SLC4A4: variants seen among roughly 807,000 people sequenced by gnomAD.
SLC4A4 encodes solute carrier family 4 member 4.
A neutral mutation model predicts 111.5 loss-of-function variants in SLC4A4; 27 were observed. The observed-to-expected ratio is 0.24, with a 90% CI of 0.18 to 0.33. SLC4A4 has a LOEUF of 0.33. Ranked by LOEUF, SLC4A4 falls within the 10% of genes least tolerant of loss-of-function variation. SLC4A4 has a pLI of 1.00. For missense variants in SLC4A4, 909 were observed against 1,315.5 expected (o/e 0.69, Z 4.78); for synonymous variants, 443 against 463.4 (o/e 0.96, Z 0.57).
intron 8 of SLC4A4, among the ~76,000 whole-genome samples, chr4:71,444,934 T>C (rs1417476402): frequency 6.6e-6 from 1 of 152,208 alleles, no homozygotes; most frequent in Non-Finnish European, 1.5e-5. Flanking sequence ...TTATTCCTGA[T>C]TGGAGTAATG....
intron 3 of SLC4A4, among the ~76,000 whole-genome samples, chr4:71,270,161 C>A (rs1722599960): frequency 6.6e-6 from 1 of 152,220 alleles, no homozygotes; most frequent in African/African-American, 2.4e-5. Context: ...AATCTCGGCT[C>A]ACTGCAACCT....
intron 1 of SLC4A4, among the ~76,000 whole-genome samples, chr4:71,189,838 G>C (rs965612223): frequency 6.6e-6 from 1 of 152,156 alleles, no homozygotes; most frequent in African/African-American, 2.4e-5. Flanking sequence ...TGAAATCTAA[G>C]ACCAGAGTTG....
chr4:71,527,667 C>T (rs2149203310), intron 16 of SLC4A4, among the ~76,000 whole-genome samples: 1 of 151,222 alleles, frequency 6.6e-6, no homozygotes, highest in Non-Finnish European at 1.5e-5. Context: ...AATTTACTTG[C>T]CACCGTGTAT....
chr4:71,190,423 CACACACAG>C lies in SLC4A4; in HGVS notation c.-2+3028_-2+3035del, dbSNP rs1398571800. 9.6e-4 allele frequency among the ~76,000 whole-genome samples: 143 copies of C among 148,438 alleles called. 1 individual carries two copies. The highest frequency in any genetic ancestry group is 8.0e-3 in the East Asian group (41 of 5,098). On this transcript the variant is annotated intron_variant, in intron 1 of 25. Transcript: ENST00000264485. ...ACACACACACACACACACACACACACACACACAGACACAACTCATTTGTAGAGGTGGCT... is the reference window on the plus strand; with the variant it reads ...ACACACACACACACACACACACACACACACAACTCATTTGTAGAGGTGGCT...
chr4:71,441,787 T>A (rs1411156331), intron 8 of SLC4A4, among the ~76,000 whole-genome samples: 3 of 152,258 alleles, frequency 2.0e-5, no homozygotes, highest in Non-Finnish European at 4.4e-5. Context: ...AGGTATTTTT[T>A]AAACCCATTT....
intron 1 of SLC4A4, among the ~76,000 whole-genome samples, chr4:71,203,038 G>A (rs1388518486): frequency 2.0e-5 from 3 of 151,930 alleles, no homozygotes; most frequent in Non-Finnish European, 2.9e-5. Context: ...TAAGATTTTA[G>A]TTCCACATTT....
intron 12 of SLC4A4, among the ~76,000 whole-genome samples, chr4:71,463,065 G>C (rs1188876806): frequency 6.6e-6 from 1 of 152,150 alleles, no homozygotes; most frequent in African/African-American, 2.4e-5. Context: ...ACTGCCAGTT[G>C]TTTGCTCTTT....
intron 2 of SLC4A4, among the ~76,000 whole-genome samples, chr4:71,119,771 A>G (rs1743365713): frequency 6.6e-6 from 1 of 152,118 alleles, no homozygotes; most frequent in African/African-American, 2.4e-5. Flanking sequence ...CTTCAATTAA[A>G]TCAATAAAGT....
chr4:71,445,533 C>A (rs1215575827), intron 8 of SLC4A4, among the ~76,000 whole-genome samples: 1 of 152,008 alleles, frequency 6.6e-6, no homozygotes, highest in Non-Finnish European at 1.5e-5. Context: ...TATTTAGATA[C>A]ATGAAGATAA....
chr4:71,417,549 C>G (rs550480810), intron 7 of SLC4A4, among the ~76,000 whole-genome samples: 206 of 152,286 alleles, frequency 1.4e-3, no homozygotes, highest in African/African-American at 4.8e-3. Flanking sequence ...AGAAAAAATA[C>G]CTAACTTAGC....
At chr4:71,556,138 C>T (rs191031553) in intron 21 of SLC4A4, among the ~76,000 whole-genome samples, 1 of 152,006 alleles carries the variant, frequency 6.6e-6, no homozygotes, top group Admixed American at 6.6e-5. Flanking sequence ...TCAGATAGAA[C>T]TGGGCAAGTG....
At chr4:71,129,274 A>C (rs1743635974) in intron 2 of SLC4A4, among the ~76,000 whole-genome samples, 1 of 152,226 alleles carries the variant, frequency 6.6e-6, no homozygotes, top group Non-Finnish European at 1.5e-5. Context: ...ACAAGCAAAA[A>C]ACAAGAGACC....
intron 1 of SLC4A4, among the ~76,000 whole-genome samples, chr4:71,085,985 G>A (rs368617298): frequency 3.2e-4 from 48 of 151,984 alleles, no homozygotes; most frequent in Non-Finnish European, 7.4e-5. Flanking sequence ...ATCTATAAAT[G>A]ACCTTGGGCA....
intron 1 of SLC4A4, among the ~76,000 whole-genome samples, chr4:71,075,809 C>G (rs1401479289): frequency 6.6e-6 from 1 of 151,830 alleles, no homozygotes; most frequent in Non-Finnish European, 1.5e-5. Context: ...ACTAAAAATA[C>G]AAAAATTAGC....
chr4:71,248,885 A>G (rs1200220687), intron 2 of SLC4A4, among the ~76,000 whole-genome samples: 2 of 152,318 alleles, frequency 1.3e-5, no homozygotes, highest in Non-Finnish European at 2.9e-5. Context: ...GAGCTCTTGG[A>G]AGACAGATGC....
intron 9 of SLC4A4, among the ~76,000 whole-genome samples, chr4:71,448,834 A>G (rs1382745018): frequency 5.3e-5 from 8 of 152,172 alleles, no homozygotes; most frequent in African/African-American, 1.4e-4. Flanking sequence ...CTCCTTAGTT[A>G]TAGATGTTCC....
At chr4:71,147,206 G>A (rs559379291) in intron 2 of SLC4A4, among the ~76,000 whole-genome samples, 1 of 152,230 alleles carries the variant, frequency 6.6e-6, no homozygotes, top group African/African-American at 2.4e-5. Context: ...AGGGGATTAG[G>A]AATTATATGA....
intron 3 of SLC4A4, among the ~76,000 whole-genome samples, chr4:71,329,330 A>G (rs1727771113): frequency 6.6e-6 from 1 of 151,886 alleles, no homozygotes. Flanking sequence ...TATAGATTGT[A>G]GGATTTTTTT....
chr4:71,485,617 A>G (rs902740300), intron 14 of SLC4A4, among the ~76,000 whole-genome samples: 1 of 151,398 alleles, frequency 6.6e-6, no homozygotes, highest in Non-Finnish European at 1.5e-5. Context: ...AAATAGAGAA[A>G]CTCTGGCAAC....
Sources: allele counts gnomAD v4.1 joint callset (sites outside exome capture counted in the v4.1 genomes callset), GRCh38; gene constraint gnomAD v4.1.1; transcripts MANE v1.5; gene names NCBI Gene and HGNC (gene_info 2026-07-23, HGNC 2026-07-21).